Variants in RBM6 observed in about 807,000 individuals in gnomAD.
RBM6 encodes RNA binding motif protein 6.
RBM6 carries 23 observed loss-of-function variants against 140.4 expected under a neutral mutation model. That is an observed-to-expected ratio of 0.16 (90% confidence interval 0.12 to 0.23). RBM6 has a LOEUF of 0.23. RBM6 is among the 10% of genes least tolerant of loss of function. The pLI, the probability that RBM6 is intolerant of heterozygous loss-of-function variation, is 1.00. For synonymous variants in RBM6, 439 were observed against 475.6 expected, an observed-to-expected ratio of 0.92 and a Z score of 1.00; for missense variants, 1,139 against 1,386.7, an observed-to-expected ratio of 0.82 and a Z score of 2.84.
chr3:50,013,041 C>T (rs963233004), intron 6 of RBM6, among the ~76,000 whole-genome samples: 1 of 152,184 alleles, frequency 6.6e-6, no homozygotes, highest in Non-Finnish European at 1.5e-5. Flanking sequence ...CCGTGCCAGG[C>T]CCACCCAGAT....
chr3:50,066,110 T>G (rs1458416137), intron 16 of RBM6, 132 bp from the exon 17 acceptor site: 1 of 987,822 alleles, frequency 1.0e-6, no homozygotes, highest in African/African-American at 1.6e-5. Context: ...ATCTGGGAAA[T>G]GAGCAGCATG....
In RBM6 at chr3:49,968,803, C is replaced by T. The variant is rs1444123931; in HGVS notation, c.1323+55C>T. On this transcript the variant is annotated intron_variant, in intron 3 of 20. Coordinates refer to ENST00000266022, the MANE Select transcript of RBM6 (RefSeq NM_005777.3). ...TTTTTTTTTTTTTTTTTTTTTGAGACGGAGTCTCGCTCTGTTGCCCAGCCT... is the reference window on the plus strand; with the variant it reads ...TTTTTTTTTTTTTTTTTTTTTGAGATGGAGTCTCGCTCTGTTGCCCAGCCT... The T allele has an allele frequency of 2.3e-5, 31 of 1,330,562 alleles. No individual in the cohort carries two copies. The African/African-American group carries it at 5.1e-4, about 22-fold the overall frequency. The allele number at this position is 1,330,562 out of a possible 1,614,324, so 82.4% of individuals were successfully genotyped here. A position where few individuals can be genotyped will look rare whatever the true frequency, so the allele number is the denominator to read the frequency against.
At chr3:50,027,052 C>G (rs1412546407) in intron 6 of RBM6, among the ~76,000 whole-genome samples, 1 of 152,102 alleles carries the variant, frequency 6.6e-6, no homozygotes, top group Non-Finnish European at 1.5e-5. Flanking sequence ...TTCTGGAGTC[C>G]TCCAATTTTC....
chr3:50,050,833 T>C (rs2624824), intron 7 of RBM6, among the ~76,000 whole-genome samples: 81,684 of 151,894 alleles, frequency 0.54, 22,631 homozygotes, highest in East Asian at 0.86. Flanking sequence ...GGGTTTTTTT[T>C]CATGTGTTTG....
At chr3:49,995,962 A>G (rs375013371) in intron 5 of RBM6, among the ~76,000 whole-genome samples, 52 of 152,328 alleles carry the variant, frequency 3.4e-4, no homozygotes, top group Admixed American at 5.2e-4. Context: ...ACATTTTGGT[A>G]TACAGTTGTG....
chr3:50,018,084 C>T (rs1195188678), intron 6 of RBM6, among the ~76,000 whole-genome samples: 2 of 152,196 alleles, frequency 1.3e-5, no homozygotes, highest in Admixed American at 1.3e-4. Context: ...GTTGTACCTT[C>T]TATGGGTTTC....
chr3:50,021,740 C>CTTT (rs542734328), intron 6 of RBM6, among the ~76,000 whole-genome samples: 2,345 of 42,708 alleles, frequency 0.055, 859 homozygotes, highest in South Asian at 0.14. Context: ...AATTTAAGTG[C>CTTT]TTTTTTTTTT....
At chr3:49,984,636 GCATCGCATCGCATCGCATCGCA>G in intron 5 of RBM6, among the ~76,000 whole-genome samples, 1 of 61,146 alleles carries the variant, frequency 1.6e-5, no homozygotes, top group Non-Finnish European at 5.9e-5. Flanking sequence ...GCATCGCATC[GCATCGCATCGCATCGCATCGCA>G]TCGCATTGCA....
intron 6 of RBM6, among the ~76,000 whole-genome samples, chr3:50,006,780 A>C (rs112796646): frequency 0.033 from 4,954 of 151,932 alleles, 300 homozygotes; most frequent in African/African-American, 0.11. Context: ...AAAATACAAA[A>C]AAATTAGCTG....
chr3:50,018,462 G>T (rs916134315), intron 6 of RBM6, among the ~76,000 whole-genome samples: 1 of 151,470 alleles, frequency 6.6e-6, no homozygotes, highest in African/African-American at 2.4e-5. Flanking sequence ...TCCATGTTTT[G>T]ACAGTTACGA....
chr3:50,030,707 C>T (rs1282796388), intron 6 of RBM6, among the ~76,000 whole-genome samples: 1 of 152,178 alleles, frequency 6.6e-6, no homozygotes, highest in Non-Finnish European at 1.5e-5. Flanking sequence ...GTGGTTTGGT[C>T]ATGATCAGGG....
At chr3:49,945,980 C>T (rs927351188) in intron 1 of RBM6, among the ~76,000 whole-genome samples, 1 of 150,622 alleles carries the variant, frequency 6.6e-6, no homozygotes, top group East Asian at 2.0e-4. Context: ...ACCAGGAGTG[C>T]GTGTACAGAG....
At chr3:50,060,025 C>T (rs990596445) in intron 11 of RBM6, among the ~76,000 whole-genome samples, 1 of 152,096 alleles carries the variant, frequency 6.6e-6, no homozygotes, top group Admixed American at 6.6e-5. Context: ...ATCTCTATTC[C>T]AAGCTACTAA....
rs779022824 is a variant in RBM6, at chr3:50,070,514, A to C, written c.3078A>C (p.Pro1026=). 5.0e-6 allele frequency: 8 copies of C among 1,614,058 alleles called. No homozygotes were observed. Among genetic ancestry groups the C allele is most frequent in the Non-Finnish European group, 6.8e-6 (8 of 1,179,910 alleles). ...RREKLQSFDS[P]ERKRIKYSRE... Reference sequence around the variant, plus strand: ...AAAAGCTCCAGTCTTTTGACTCTCCAGAAAGGAAACGGATTAAGTACTCCA... The same window carrying C: ...AAAAGCTCCAGTCTTTTGACTCTCCCGAAAGGAAACGGATTAAGTACTCCA... The change falls in exon 19 of 21, where the codon CCA becomes CCC. Residue 1026 remains proline (P), a synonymous_variant. Coordinates refer to ENST00000266022, the MANE Select transcript of RBM6 (RefSeq NM_005777.3).
chr3:49,952,203 G>A (rs2083766964), intron 1 of RBM6, among the ~76,000 whole-genome samples: 1 of 151,574 alleles, frequency 6.6e-6, no homozygotes. Context: ...GCTAATTTTT[G>A]TATTTTTAGT....
chr3:50,057,318 T>C lies in RBM6; in HGVS notation c.1694-410T>C, dbSNP rs185942164. 1.2e-4 allele frequency among the ~76,000 whole-genome samples: 18 copies of C among 152,182 alleles called. No homozygotes were observed. In the East Asian group the frequency reaches 2.3e-3, roughly 20 times the overall value. On this transcript the variant is annotated intron_variant, in intron 8 of 20. Coordinates refer to ENST00000266022, the MANE Select transcript of RBM6 (RefSeq NM_005777.3). ...AAAAGCATTCCAGGCCGGGCGTGTT[T>C]GCTCACACCTGTAATCCCAGCACTC...
intron 11 of RBM6, chr3:50,060,679 A>C (rs2624815): frequency 8.3e-6 from 2 of 239,540 alleles, no homozygotes; most frequent in South Asian, 3.5e-4. Flanking sequence ...GTGTGAACCC[A>C]GGAGGCGGAG....
chr3:49,969,161 A>ATT (rs889632434), intron 3 of RBM6, among the ~76,000 whole-genome samples: 1 of 151,468 alleles, frequency 6.6e-6, no homozygotes, highest in Non-Finnish European at 1.5e-5. Flanking sequence ...AGTAGCAGGG[A>ATT]TTGCAGGCAT....
chr3:50,017,346 A>G (rs1386043988), intron 6 of RBM6, among the ~76,000 whole-genome samples: 1 of 152,112 alleles, frequency 6.6e-6, no homozygotes, highest in Admixed American at 6.6e-5. Context: ...TCACGAGGTC[A>G]GGAGATCGAG....
Sources: gnomAD v4.1 joint callset for allele counts (sites outside exome capture counted in the v4.1 genomes callset) on GRCh38, gnomAD v4.1.1 for gene constraint, MANE v1.5 for transcripts, NCBI Gene and HGNC (gene_info 2026-07-23, HGNC 2026-07-21) for gene names.